Variants in ACP6 observed in about 807,000 individuals in gnomAD.
The protein encoded by ACP6 is lysophosphatidic acid phosphatase type 6.
Under a neutral mutation model 48.1 loss-of-function variants are expected in ACP6, and 48 were observed. The observed-to-expected ratio is 1.00, with a 90% CI of 0.79 to 1.27. The LOEUF is 1.27. Ranked by LOEUF, ACP6 falls within the 50% of genes most tolerant of loss-of-function variation. The pLI is 0.00. For missense variants in ACP6, 485 were observed against 529.1 expected, an observed-to-expected ratio of 0.92 and a Z score of 0.82; for synonymous variants, 172 against 204.2, an observed-to-expected ratio of 0.84 and a Z score of 1.34.
rs1659475497 is a variant in ACP6 at position 147,642,291 on chromosome 1, A to G, written c.*5132T>C. The stretch of plus-strand genomic sequence containing the variant: ...AAATCTTTGCTGAGGTCCACTTTGT[A>G]CAGTCTCTGCACTTGGTTCTAGAAA... On this transcript the variant is annotated 3_prime_UTR_variant, in exon 10 of 10. Coordinates refer to ENST00000583509, the MANE Select transcript of ACP6 (RefSeq NM_016361.5). 5.9e-5 allele frequency: 9 copies of G among 152,180 alleles called. No individual in the cohort carries two copies. Among genetic ancestry groups the G allele is most frequent in the Admixed American group, 5.9e-4 (9 of 15,276 alleles). The allele number at this position is 152,180 out of a possible 1,614,324, so 9.4% of individuals were successfully genotyped here. A position where few individuals can be genotyped will look rare whatever the true frequency, so the allele number is the denominator to read the frequency against.
Position 147,647,182 on chromosome 1 carries a change from CA to C in ACP6, c.*240del. ...CATGATGTCCCCAGCCCGTGTCACA[CA>C]AAGATGCTTCTAACCTTAGAAACCA... On this transcript the variant is annotated 3_prime_UTR_variant, in exon 10 of 10. Coordinates refer to ENST00000583509, the MANE Select transcript of ACP6 (RefSeq NM_016361.5). 1 of 473,618 alleles carries C rather than the reference CA, an allele frequency of 2.1e-6. No homozygotes were observed. The highest frequency in any genetic ancestry group is 2.5e-5 in the South Asian group (1 of 39,762). The allele number at this position is 473,618 out of a possible 1,614,324, so 29.3% of individuals were successfully genotyped here. A position where few individuals can be genotyped will look rare whatever the true frequency, so the allele number is the denominator to read the frequency against.
intron 5 of ACP6, among the ~76,000 whole-genome samples, chr1:147,633,612 T>C (rs1659226329): frequency 6.6e-6 from 1 of 152,140 alleles, no homozygotes; most frequent in Non-Finnish European, 1.5e-5. Flanking sequence ...TCCTGTGTAT[T>C]ATTTTGCTTA....
At chr1:147,650,277 C>G (rs1315350567) in intron 7 of ACP6, 39 bp from the exon 8 acceptor site, 1 of 1,474,538 alleles carries the variant, frequency 6.8e-7, no homozygotes, top group Non-Finnish European at 9.3e-7. Context: ...CTAGAGGGCA[C>G]TCAGCATTCA....
At chr1:147,636,133 G>A (rs1206322695) in intron 5 of ACP6, among the ~76,000 whole-genome samples, 4 of 152,172 alleles carry the variant, frequency 2.6e-5, no homozygotes, top group Admixed American at 2.6e-4. Context: ...GCAGAAGACA[G>A]AGAAACCTAA....
At chr1:147,661,419 C>T (rs1377453859) in intron 1 of ACP6, among the ~76,000 whole-genome samples, 3 of 151,958 alleles carry the variant, frequency 2.0e-5, no homozygotes, top group African/African-American at 7.3e-5. Context: ...CGCCACAAAC[C>T]GCCCCCATAT....
In ACP6 at chr1:147,655,231, T is replaced by C; in HGVS notation, c.577A>G (p.Thr193Ala). The C allele has an allele frequency of 6.2e-7, 1 of 1,606,546 alleles. No individual in the cohort carries two copies. Reference sequence around the variant, plus strand: ...AAGACTTCTGAATCTGCTTCATCAGTGTGGATGATGATGGGTCCTGGAAGA... The same window carrying C: ...AAGACTTCTGAATCTGCTTCATCAGCGTGGATGATGATGGGTCCTGGAAGA... Reference protein sequence around the residue: ...CQKEGPIIIHTDEADSEVLYP... With the variant: ...CQKEGPIIIHADEADSEVLYP... The change falls in exon 5 of 10, where the codon ACT (threonine) becomes GCT (alanine). Residue 193 changes from threonine (T) to alanine (A), a missense_variant. By Grantham distance (58) the Thr-to-Ala change is moderately conservative. Coordinates refer to ENST00000583509, the MANE Select transcript of ACP6 (RefSeq NM_016361.5).
intron 5 of ACP6, among the ~76,000 whole-genome samples, chr1:147,631,726 A>G (rs933462313): frequency 1.1e-4 from 16 of 152,122 alleles, no homozygotes; most frequent in Non-Finnish European, 1.8e-4. Context: ...AGGCAGGAGA[A>G]TCGCTTGAAC....
downstream of ACP6, among the ~76,000 whole-genome samples, chr1:147,640,519 C>T (rs587618385): frequency 6.6e-6 from 1 of 152,212 alleles, no homozygotes; most frequent in Non-Finnish European, 1.5e-5. Flanking sequence ...CTTTCCATAC[C>T]TAATCTATGT....
chr1:147,647,675 A>G, intron 9 of ACP6, 109 bp from the exon 10 acceptor site: 1 of 1,397,750 alleles, frequency 7.2e-7, no homozygotes, highest in East Asian at 2.5e-5. Context: ...ATACATGTGC[A>G]TACATATTAC....
chr1:147,661,599 G>A (rs961443565), intron 1 of ACP6, among the ~76,000 whole-genome samples: 8 of 152,092 alleles, frequency 5.3e-5, no homozygotes, highest in Admixed American at 2.6e-4. Context: ...TTAAGTGAAA[G>A]GAAAAGTTTC....
rs1185276732 is a variant in ACP6, at chr1:147,646,580, G to A, written c.*843C>T. 2.0e-5 allele frequency: 3 copies of A among 152,248 alleles called. No individual in the cohort carries two copies. The highest frequency in any genetic ancestry group is 4.4e-5 in the Non-Finnish European group (3 of 68,176). The allele number at this position is 152,248 out of a possible 1,614,324, so 9.4% of individuals were successfully genotyped here. ...ACAGCAACATTGACAAGGAGATAGG[G>A]GGATCATCAGGTACTCTTAGGGGGC... On this transcript the variant is annotated 3_prime_UTR_variant, in exon 10 of 10. Coordinates refer to ENST00000583509, the MANE Select transcript of ACP6 (RefSeq NM_016361.5).
At chr1:147,647,941 A>C in intron 9 of ACP6, 1 of 493,922 alleles carries the variant, frequency 2.0e-6, no homozygotes, top group South Asian at 2.8e-5. Flanking sequence ...AACAATCTCC[A>C]AAACAGGTCT....
At position 147,655,412 on chromosome 1, in the gene ACP6, G is replaced by A. The variant is rs587678861; in HGVS notation, c.560-164C>T. 1.1e-4 allele frequency among the ~76,000 whole-genome samples: 16 copies of A among 152,268 alleles called. No homozygotes were observed. The South Asian group carries it at 3.3e-3, about 32-fold the overall frequency. On this transcript the variant is annotated intron_variant, in intron 4 of 9. Coordinates refer to ENST00000583509, the MANE Select transcript of ACP6 (RefSeq NM_016361.5). ...ACAGAAAATGCCTTCAACATGCCCTGGCCCTGCCAAAGGAGGCTCTCCTAT... is the reference window on the plus strand; with the variant it reads ...ACAGAAAATGCCTTCAACATGCCCTAGCCCTGCCAAAGGAGGCTCTCCTAT...
At chr1:147,658,122 A>G (rs781958357) in intron 4 of ACP6, among the ~76,000 whole-genome samples, 4 of 152,218 alleles carry the variant, frequency 2.6e-5, no homozygotes, top group African/African-American at 9.7e-5. Context: ...GCAGCAGCCA[A>G]CTACAGCCAG....
intron 5 of ACP6, among the ~76,000 whole-genome samples, chr1:147,634,073 C>T (rs1363865776): frequency 1.3e-5 from 2 of 152,208 alleles, no homozygotes; most frequent in Admixed American, 6.5e-5. Context: ...CTGTTGTCCA[C>T]AAGTGCTGCA....
intron 4 of ACP6, among the ~76,000 whole-genome samples, chr1:147,656,699 C>G (rs1329794633): frequency 6.6e-6 from 1 of 152,168 alleles, no homozygotes; most frequent in Non-Finnish European, 1.5e-5. Context: ...TGACACCTAT[C>G]TTATAGGGTT....
downstream of ACP6, among the ~76,000 whole-genome samples, chr1:147,639,707 A>G (rs1659399259): frequency 6.6e-6 from 1 of 151,966 alleles, no homozygotes; most frequent in African/African-American, 2.4e-5. Context: ...TTCACACTCT[A>G]TTTCCTTCCA....
At position 147,670,450 on chromosome 1, in the gene ACP6, G is replaced by A. The variant is rs587724474; in HGVS notation, c.-402C>T. 3.7e-5 allele frequency: 6 copies of A among 162,896 alleles called. No homozygotes were observed. 10.1% of individuals were successfully genotyped at this position (162,896 alleles called of 1,614,324 possible). On this transcript the variant is annotated 5_prime_UTR_variant, in exon 1 of 10. Coordinates refer to ENST00000583509, the MANE Select transcript of ACP6 (RefSeq NM_016361.5). ...CTGGCGGCAGCGGCTCCACCAGCAA[G>A]GACTACTCGATTCCACTTTTCTATA...
chr1:147,656,578 C>A (rs1481563506), intron 4 of ACP6, among the ~76,000 whole-genome samples: 4 of 152,170 alleles, frequency 2.6e-5, no homozygotes, highest in Non-Finnish European at 5.9e-5. Context: ...GGATTCTGAA[C>A]CAAGACTGCC....
Sources: gnomAD v4.1 joint callset for allele counts (sites outside exome capture counted in the v4.1 genomes callset) on GRCh38, gnomAD v4.1.1 for gene constraint, MANE v1.5 for transcripts, NCBI Gene and HGNC (gene_info 2026-07-23, HGNC 2026-07-21) for gene names.